Variants in NFKBIE observed in about 807,000 individuals in gnomAD.
NFKBIE encodes the protein NF-kappa-B inhibitor epsilon.
Under a neutral mutation model 31.6 loss-of-function variants are expected in NFKBIE, and 11 were observed. That is an observed-to-expected ratio of 0.35 (90% CI 0.22 to 0.58). NFKBIE has a LOEUF of 0.58. NFKBIE is among the 20% of genes least tolerant of loss of function. The pLI, the probability that NFKBIE is intolerant of heterozygous loss-of-function variation, is 0.83. For synonymous variants in NFKBIE, 208 were observed against 210.1 expected (o/e 0.99, Z 0.09); for missense variants, 354 against 465.7 (o/e 0.76, Z 2.21).
rs1417802911 is a variant in NFKBIE at position 44,263,848 on chromosome 6, G to T, written c.365+1134C>A. Among the ~76,000 whole-genome samples, 1 of 152,142 alleles carries T rather than the reference G, an allele frequency of 6.6e-6. No individual in the cohort carries two copies. Among genetic ancestry groups the T allele is most frequent in the African/African-American group, 2.4e-5 (1 of 41,418 alleles). On this transcript the variant is annotated intron_variant, in intron 1 of 5. Transcript: ENST00000619360. The surrounding 1 kb of genome is among the most constrained non-coding windows in gnomAD (Gnocchi z 5.0). ...ACTAGAGATGGAAAAGGCTGGGGCT[G>T]AGAGGCTAACAAAAGACGGCAATGT...
Position 44,261,521 on chromosome 6 carries a change from C to A in NFKBIE, c.691+105G>T, listed in dbSNP as rs1042696833. On this transcript the variant is annotated intron_variant, in intron 3 of 5. Transcript: ENST00000619360. This position sits in a 1 kb window ranked among gnomAD's most constrained non-coding sequence, Gnocchi z 4.3. ...CTATGTGCTTACAGTGGGAGGGGCA[C>A]CAATGGACAAGCTGGGACCCTCCCT... 4 of 1,136,678 alleles carry A rather than the reference C, an allele frequency of 3.5e-6. No homozygotes were observed. The African/African-American group carries it at 4.6e-5, about 13-fold the overall frequency. The allele number at this position is 1,136,678 out of a possible 1,614,324, so 70.4% of individuals were successfully genotyped here. A position where few individuals can be genotyped will look rare whatever the true frequency, so the allele number is the denominator to read the frequency against.
intron 5 of NFKBIE, among the ~76,000 whole-genome samples, 164 bp downstream of exon 5, chr6:44,259,879 C>T (rs750766607): frequency 6.6e-6 from 1 of 152,156 alleles, no homozygotes; most frequent in Non-Finnish European, 1.5e-5. Flanking sequence ...AATTTGGCTC[C>T]TTGGACCAAC....
In NFKBIE at chr6:44,265,441, A is replaced by G; in HGVS notation, c.-95T>C. 1 of 1,517,428 alleles carries G rather than the reference A, an allele frequency of 6.6e-7. No homozygotes were observed. Among genetic ancestry groups the G allele is most frequent in the Admixed American group, 2.1e-5 (1 of 47,154 alleles). The allele number at this position is 1,517,428 out of a possible 1,614,324, so 94.0% of individuals were successfully genotyped here. A position where few individuals can be genotyped will look rare whatever the true frequency, so the allele number is the denominator to read the frequency against. On this transcript the variant is annotated 5_prime_UTR_variant, in exon 1 of 6. Coordinates refer to ENST00000619360, the MANE Select transcript of NFKBIE (RefSeq NM_004556.3). ...TCCGGGTTGCGGGTCCGCTTGGCAG[A>G]GCGGGCGCCCGGCCCGCGGCGGCCT...
chr6:44,265,306 C>G lies in NFKBIE; in HGVS notation c.41G>C (p.Ser14Thr), dbSNP rs1231942706. 3 of 1,547,944 alleles carry G rather than the reference C, an allele frequency of 1.9e-6. No individual in the cohort carries two copies. Among genetic ancestry groups the G allele is most frequent in the Non-Finnish European group, 1.7e-6 (2 of 1,148,868 alleles). The change falls in exon 1 of 6, where the codon AGC (serine) becomes ACC (threonine). Residue 14 changes from serine to threonine, a missense_variant. Transcript: ENST00000619360. ...AGACTCAATGCCAGAGTCGTACTGG[C>G]TCTCCTCCGCCTCGTCCGGCCCCTT... ...ARKGPDEAEE[S>T]QYDSGIESLR...
rs966628962 is a variant in NFKBIE at position 44,264,000 on chromosome 6, C to T, written c.365+982G>A. On this transcript the variant is annotated intron_variant, in intron 1 of 5. Coordinates refer to ENST00000619360, the MANE Select transcript of NFKBIE (RefSeq NM_004556.3). This position sits in a 1 kb window ranked among gnomAD's most constrained non-coding sequence, Gnocchi z 5.0. ...GTACAGAAAGGACTGGGTCACTCCT[C>T]TCCCACCCACTGGGTCCACCAGCTG... Among the ~76,000 whole-genome samples the T allele has an allele frequency of 2.0e-5, 3 of 152,132 alleles. No individual in the cohort carries two copies. The highest frequency in any genetic ancestry group is 7.2e-5 in the African/African-American group (3 of 41,420).
Position 44,261,938 on chromosome 6 carries a change from C to T in NFKBIE, c.469-90G>A. The stretch of plus-strand genomic sequence containing the variant: ...GGGCTCAAGAATCACCAGCTGCCAG[C>T]ATCTTCTTTGAAAGCAGCTTATAAA... On this transcript the variant is annotated intron_variant, in intron 2 of 5. Coordinates refer to ENST00000619360, the MANE Select transcript of NFKBIE (RefSeq NM_004556.3). The surrounding 1 kb of genome is among the most constrained non-coding windows in gnomAD (Gnocchi z 4.3). The T allele has an allele frequency of 8.1e-7, 1 of 1,230,050 alleles. No individual in the cohort carries two copies. The highest frequency in any genetic ancestry group is 1.5e-5 in the African/African-American group (1 of 64,778). 76.2% of individuals were successfully genotyped at this position (1,230,050 alleles called of 1,614,324 possible).
intron 5 of NFKBIE, among the ~76,000 whole-genome samples, chr6:44,259,820 G>A (rs1781830219): frequency 6.6e-6 from 1 of 152,024 alleles, no homozygotes; most frequent in Non-Finnish European, 1.5e-5. Flanking sequence ...TCTCATATCT[G>A]GCCAACTTCA....
Position 44,258,924 on chromosome 6 carries a change from A to G in NFKBIE, c.*295T>C, listed in dbSNP as rs919045388. On this transcript the variant is annotated 3_prime_UTR_variant, in exon 6 of 6. Coordinates refer to ENST00000619360, the MANE Select transcript of NFKBIE (RefSeq NM_004556.3). ...CAGGCTGACCCAACATGGGTAAAAC[A>G]AGAGCACCTGCCATTTTCAAGAGAG... 38 of 288,158 alleles carry G rather than the reference A, an allele frequency of 1.3e-4. No individual in the cohort carries two copies. In the Admixed American group the frequency reaches 1.5e-3, roughly 12 times the overall value. 17.9% of individuals were successfully genotyped at this position (288,158 alleles called of 1,614,324 possible).
rs1554142182 is a variant in NFKBIE, at chr6:44,260,862, C to CACACACACAG, written c.692-324_692-323insCTGTGTGTGT. Among the ~76,000 whole-genome samples the CACACACACAG allele has an allele frequency of 0.02, 308 of 15,680 alleles. 2 individuals are homozygous for CACACACACAG. The highest frequency in any genetic ancestry group is 0.11 in the East Asian group (55 of 502). 10.3% of individuals were successfully genotyped at this position (15,680 alleles called of 152,430 possible). On this transcript the variant is annotated intron_variant, in intron 3 of 5. Coordinates refer to ENST00000619360, the MANE Select transcript of NFKBIE (RefSeq NM_004556.3). The surrounding 1 kb of genome is among the most constrained non-coding windows in gnomAD (Gnocchi z 5.5). Reference sequence around the variant, plus strand: ...ACACACACACACACACACATACAGACACACACACACACACACACACACACA... The same window carrying CACACACACAG: ...ACACACACACACACACACATACAGACACACACACAGACACACACACACACACACACACACA...
rs1207244473 is a variant in NFKBIE, at chr6:44,258,345, C to G, written c.*874G>C. 1 of 152,368 alleles carries G rather than the reference C, an allele frequency of 6.6e-6. No homozygotes were observed. Among genetic ancestry groups the G allele is most frequent in the Non-Finnish European group, 1.5e-5 (1 of 68,178 alleles). 9.4% of individuals were successfully genotyped at this position (152,368 alleles called of 1,614,324 possible). On this transcript the variant is annotated 3_prime_UTR_variant, in exon 6 of 6. Transcript: ENST00000619360. ...AGGAACGGGGGGAAAAACGTGGAGT[C>G]AGCTCCCTCGTGCCCAGCCTCCCTG...
At position 44,260,103 on chromosome 6, in the gene NFKBIE, C is replaced by T. The variant is rs370525000; in HGVS notation, c.960G>A (p.Ala320=). ...CATTCCGCAGCAGGGAGTCAGCACC[C>T]GCCTTGCACAGAGTGGATGAGATGC... ...LMGISSTLCK[A]GADSLLRNVE... Residue 320 remains alanine (A), a synonymous_variant, in exon 5 of 6, where the codon GCG becomes GCA. Transcript: ENST00000619360. The surrounding 1 kb of genome is among the most constrained non-coding windows in gnomAD (Gnocchi z 5.5). The T allele has an allele frequency of 1.6e-5, 26 of 1,614,096 alleles. No homozygotes were observed. The highest frequency in any genetic ancestry group is 6.7e-5 in the East Asian group (3 of 44,896).
chr6:44,264,753 C>T (rs1374738437), intron 1 of NFKBIE, among the ~76,000 whole-genome samples: 1 of 152,168 alleles, frequency 6.6e-6, no homozygotes, highest in Non-Finnish European at 1.5e-5. Context: ...TTCCAAGATG[C>T]TGGCTGGGTT....
At chr6:44,262,873 G>C (rs1781973777) in intron 1 of NFKBIE, among the ~76,000 whole-genome samples, 1 of 152,236 alleles carries the variant, frequency 6.6e-6, no homozygotes, top group African/African-American at 2.4e-5. Flanking sequence ...GCCTTCAGGA[G>C]GGCCTTGGCT....
chr6:44,265,074 C>G lies in NFKBIE; in HGVS notation c.273G>C (p.Glu91Asp). ...GGAGTGGCAGGCGTGGGGCCGGGTC[C>G]TCAGCCTCGGGGCCCCCCAGCAAGG... ...TLSLLGGPEA[E>D]DPAPRLPLPH... Residue 91 changes from glutamate to aspartate, a missense_variant, in exon 1 of 6, where the codon GAG becomes GAC. Physicochemically the swap from Glu to Asp is conservative, Grantham distance 45. Transcript: ENST00000619360. 2 of 1,564,392 alleles carry G rather than the reference C, an allele frequency of 1.3e-6. No homozygotes were observed. The highest frequency in any genetic ancestry group is 1.7e-6 in the Non-Finnish European group (2 of 1,153,494).
At chr6:44,259,372 C>T in intron 5 of NFKBIE, 88 bp from the exon 6 acceptor site, 4 of 910,824 alleles carry the variant, frequency 4.4e-6, no homozygotes, top group Non-Finnish European at 5.5e-6. Flanking sequence ...TGTTGGGCCA[C>T]TCCCTCCCCA....
chr6:44,261,655 G>C lies in NFKBIE; in HGVS notation c.662C>G (p.Ser221Cys). 1 of 1,614,208 alleles carries C rather than the reference G, an allele frequency of 6.2e-7. No individual in the cohort carries two copies. The highest frequency in any genetic ancestry group is 1.3e-5 in the African/African-American group (1 of 75,062). Residue 221 changes from serine to cysteine, a missense_variant, in exon 3 of 6, where the codon TCT becomes TGT. By Grantham distance (112) the Ser-to-Cys change is moderately radical (BLOSUM62 -1). Transcript: ENST00000619360. This position sits in a 1 kb window ranked among gnomAD's most constrained non-coding sequence, Gnocchi z 4.3. ...CCAGTTTTGCAGCTGGAGGTCCAGA[G>C]AGTGAGATGTTCCTCTGCCTGGCTC... is the stretch of plus-strand genomic sequence containing the variant. ...RPEPGRGTSH[S>C]LDLQLQNWQG...
intron 5 of NFKBIE, 93 bp from the exon 6 acceptor site, chr6:44,259,377 TC>T: frequency 2.3e-6 from 2 of 875,554 alleles, no homozygotes; most frequent in Non-Finnish European, 3.9e-6. Context: ...GGCCACTCCC[TC>T]CCCACCAAAT....
chr6:44,260,021 G>C lies in NFKBIE; in HGVS notation c.1020+22C>G. ...TGCTATGGGTGTGCAAGGCCCTGGA[G>C]AGCAAAGCATATGCCACTTACTTCC... On this transcript the variant is annotated intron_variant, in intron 5 of 5. Coordinates refer to ENST00000619360, the MANE Select transcript of NFKBIE (RefSeq NM_004556.3). The surrounding 1 kb of genome is among the most constrained non-coding windows in gnomAD (Gnocchi z 5.5). The C allele has an allele frequency of 6.2e-7, 1 of 1,609,074 alleles. No individual in the cohort carries two copies. Among genetic ancestry groups the C allele is most frequent in the Non-Finnish European group, 8.5e-7 (1 of 1,176,100 alleles).
At position 44,260,226 on chromosome 6, in the gene NFKBIE, G is replaced by A; in HGVS notation, c.837C>T (p.Gly279=). ...LHLAVETQER[G]LVQFLLQAGA... ...CAGCCTGGAGCAGGAACTGTACCAGGCCCCGCTCTTGGGTTTCCACAGCCA... is the reference window on the plus strand; with the variant it reads ...CAGCCTGGAGCAGGAACTGTACCAGACCCCGCTCTTGGGTTTCCACAGCCA... Residue 279 remains glycine, a synonymous_variant, in exon 5 of 6, where the codon GGC becomes GGT. Coordinates refer to ENST00000619360, the MANE Select transcript of NFKBIE (RefSeq NM_004556.3). The surrounding 1 kb of genome is among the most constrained non-coding windows in gnomAD (Gnocchi z 5.5). 3.7e-6 allele frequency: 6 copies of A among 1,613,758 alleles called. No homozygotes were observed. The highest frequency in any genetic ancestry group is 5.1e-6 in the Non-Finnish European group (6 of 1,179,674).
Sources: allele counts gnomAD v4.1 joint callset (sites outside exome capture counted in the v4.1 genomes callset), GRCh38; gene constraint gnomAD v4.1.1; non-coding constraint Gnocchi (gnomAD v3.1); transcripts MANE v1.5; gene names NCBI Gene and HGNC (gene_info 2026-07-23, HGNC 2026-07-21).